Variants in CYP4F22 observed in about 807,000 individuals in gnomAD.
CYP4F22 encodes the protein cytochrome P450 family 4 subfamily F member 22.
In CYP4F22, 37 loss-of-function variants were observed where a neutral mutation model predicts 60.4. That is an observed-to-expected ratio of 0.61 (90% CI 0.47 to 0.81). The LOEUF is 0.81. CYP4F22 is among the 30% of genes least tolerant of loss of function. The pLI is 0.00. For synonymous variants in CYP4F22, 258 were observed against 280.5 expected, an observed-to-expected ratio of 0.92 and a Z score of 0.80; for missense variants, 655 against 715.0, an observed-to-expected ratio of 0.92 and a Z score of 0.96.
In CYP4F22 at chr19:15,529,698, A is replaced by T. The variant is rs1327076376; in HGVS notation, c.223-11A>T. 6.2e-7 allele frequency: 1 copy of T among 1,613,940 alleles called. No individual in the cohort carries two copies. Among genetic ancestry groups the T allele is most frequent in the Non-Finnish European group, 8.5e-7 (1 of 1,179,976 alleles). ...GGTACCTCCTCATTGCTCCTCCCTT[A>T]CCTCTTGCAGTACCTTCCAAATGAG... On this transcript the variant is annotated splice_polypyrimidine_tract_variant and intron_variant, in intron 3 of 13. Coordinates refer to ENST00000269703, the MANE Select transcript of CYP4F22 (RefSeq NM_173483.4).
chr19:15,549,074 G>C, intron 11 of CYP4F22, 64 bp from the exon 12 acceptor site: 1 of 1,579,852 alleles, frequency 6.3e-7, no homozygotes, highest in African/African-American at 1.3e-5. Flanking sequence ...GACCCAAGTT[G>C]GGGGATGTTT....
At chr19:15,537,139 A>G (rs1357231446) in intron 4 of CYP4F22, among the ~76,000 whole-genome samples, 2 of 152,108 alleles carry the variant, frequency 1.3e-5, no homozygotes, top group Non-Finnish European at 2.9e-5. Context: ...TCTCTGCTAA[A>G]AATACAAACA....
chr19:15,513,433 C>T (rs1208835848), intron 1 of CYP4F22, among the ~76,000 whole-genome samples: 9 of 148,798 alleles, frequency 6.0e-5, no homozygotes, highest in Non-Finnish European at 8.9e-5. Context: ...GGCGCGATCT[C>T]GGCTCACTGC....
In CYP4F22 at chr19:15,542,722, G is replaced by GC. The variant is rs1971477952; in HGVS notation, c.940-1243dup. On this transcript the variant is annotated intron_variant, in intron 8 of 13. Coordinates refer to ENST00000269703, the MANE Select transcript of CYP4F22 (RefSeq NM_173483.4). ...CTCCCTCCTCCTGCCACCCTGATAG[G>GC]CCCCCCAAGTGTGTGTTGTTTCCCC... Among the ~76,000 whole-genome samples, 4 of 110,676 alleles carry GC rather than the reference G, an allele frequency of 3.6e-5. No homozygotes were observed. In the South Asian group the frequency reaches 1.6e-3, roughly 43 times the overall value. 72.6% of individuals were successfully genotyped at this position (110,676 alleles called of 152,430 possible).
chr19:15,524,265 G>T, intron 2 of CYP4F22, among the ~76,000 whole-genome samples: 1 of 152,170 alleles, frequency 6.6e-6, no homozygotes, highest in Non-Finnish European at 1.5e-5. Flanking sequence ...CATAGAGACA[G>T]AAAGCAGATT....
intron 1 of CYP4F22, among the ~76,000 whole-genome samples, chr19:15,509,854 C>CCT (rs1555725957): frequency 2.7e-5 from 3 of 110,004 alleles, no homozygotes; most frequent in Non-Finnish European, 3.8e-5. Flanking sequence ...GGACCCATCT[C>CCT]TCCTTCCTTC....
At chr19:15,513,187 T>G (rs1368890844) in intron 1 of CYP4F22, among the ~76,000 whole-genome samples, 1 of 151,704 alleles carries the variant, frequency 6.6e-6, no homozygotes, top group Non-Finnish European at 1.5e-5. Context: ...TTCATTTTTA[T>G]TTTTTTGAGA....
intron 7 of CYP4F22, 78 bp downstream of exon 7, chr19:15,538,071 G>A (rs1971419991): frequency 1.9e-6 from 3 of 1,597,402 alleles, no homozygotes; most frequent in Non-Finnish European, 2.6e-6. Flanking sequence ...GGAACTCCCA[G>A]GCATTAGACA....
intron 4 of CYP4F22, among the ~76,000 whole-genome samples, chr19:15,530,199 G>A (rs1252767228): frequency 1.3e-5 from 2 of 152,160 alleles, no homozygotes; most frequent in Non-Finnish European, 2.9e-5. Context: ...TTCCCATTAT[G>A]GCCAGGACTC....
Position 15,529,736 on chromosome 19 carries a change from G to A in CYP4F22, c.250G>A (p.Asp84Asn). The change falls in exon 4 of 14, where the codon GAT becomes AAT. Residue 84 changes from aspartate (D) to asparagine (N), a missense_variant. Physicochemically the swap from Asp to Asn is conservative, Grantham distance 23. Coordinates refer to ENST00000269703, the MANE Select transcript of CYP4F22 (RefSeq NM_173483.4). The stretch of plus-strand genomic sequence containing the variant: ...CCTTCCAAATGAGGCGGGCCTTCAA[G>A]ATGAGAAGAAGGTACTGGACAACAT... ...MYLPNEAGLQ[D>N]EKKVLDNMHH... 1 of 1,614,162 alleles carries A rather than the reference G, an allele frequency of 6.2e-7. No homozygotes were observed. The highest frequency in any genetic ancestry group is 1.1e-5 in the South Asian group (1 of 91,082).
chr19:15,550,606 A>T, intron 12 of CYP4F22, 68 bp from the exon 13 acceptor site: 1 of 1,525,374 alleles, frequency 6.6e-7, no homozygotes, highest in Non-Finnish European at 9.1e-7. Flanking sequence ...CCAGAGGCTC[A>T]GGGAAGGGGG....
At position 15,509,605 on chromosome 19, in the gene CYP4F22, G is replaced by A. The variant is rs1296633004; in HGVS notation, c.-109+1022G>A. 4.6e-5 allele frequency among the ~76,000 whole-genome samples: 7 copies of A among 152,238 alleles called. No individual in the cohort carries two copies. The East Asian group carries it at 1.4e-3, about 29-fold the overall frequency. On this transcript the variant is annotated intron_variant, in intron 1 of 13. Coordinates refer to ENST00000269703, the MANE Select transcript of CYP4F22 (RefSeq NM_173483.4). ...CATTTTACAGGCACGGAAACTGAGG[G>A]CCAGAGAGAAGAAGCCTGTGCCTGT... is the stretch of plus-strand genomic sequence containing the variant.
Position 15,548,245 on chromosome 19 carries a change from C to G in CYP4F22, c.1270+4C>G, listed in dbSNP as rs752282461. 7 of 1,613,918 alleles carry G rather than the reference C, an allele frequency of 4.3e-6. No homozygotes were observed. Among genetic ancestry groups the G allele is most frequent in the Middle Eastern group, 1.6e-4 (1 of 6,082 alleles). The stretch of plus-strand genomic sequence containing the variant: ...GATGGGCGCATCATCCCCAAAGGTG[C>G]CTACCATGTTCCGCCTGCTGCTGGT... On this transcript the variant is annotated splice_donor_region_variant and intron_variant, in intron 11 of 13. Coordinates refer to ENST00000269703, the MANE Select transcript of CYP4F22 (RefSeq NM_173483.4).
intron 1 of CYP4F22, among the ~76,000 whole-genome samples, chr19:15,510,966 A>ATTTTTTTTTTTTTT (rs1555726127): frequency 9.7e-6 from 1 of 103,336 alleles, no homozygotes; most frequent in African/African-American, 4.6e-5. Context: ...ATATATATAT[A>ATTTTTTTTTTTTTT]TTTTTTTTTT....
rs959850665 is a variant in CYP4F22 at position 15,526,877 on chromosome 19, T to C, written c.222+1319T>C. On this transcript the variant is annotated intron_variant, in intron 3 of 13. Coordinates refer to ENST00000269703, the MANE Select transcript of CYP4F22 (RefSeq NM_173483.4). The stretch of plus-strand genomic sequence containing the variant: ...CTCCTGCCTCAGCCTCCCAAGTAGC[T>C]GCGACTGCAAGCCTGCAAGTGCATG... Among the ~76,000 whole-genome samples, 3 of 151,924 alleles carry C rather than the reference T, an allele frequency of 2.0e-5. No homozygotes were observed. The East Asian group carries it at 5.8e-4, about 29-fold the overall frequency.
At chr19:15,521,389 A>G (rs1020534909) in intron 1 of CYP4F22, among the ~76,000 whole-genome samples, 4 of 151,452 alleles carry the variant, frequency 2.6e-5, no homozygotes, top group Non-Finnish European at 5.9e-5. Flanking sequence ...CTGCCACCAC[A>G]CCTGGCTAAT....
intron 6 of CYP4F22, 84 bp downstream of exon 6, chr19:15,537,746 G>A: frequency 6.2e-7 from 1 of 1,607,034 alleles, no homozygotes; most frequent in Non-Finnish European, 8.5e-7. Context: ...CAAGCCATGT[G>A]ATGTCAGGAG....
At chr19:15,535,404 G>C (rs1181881633) in intron 4 of CYP4F22, among the ~76,000 whole-genome samples, 1 of 152,200 alleles carries the variant, frequency 6.6e-6, no homozygotes, top group Non-Finnish European at 1.5e-5. Flanking sequence ...TGATTGTGTA[G>C]GCAATTGGCC....
intron 8 of CYP4F22, among the ~76,000 whole-genome samples, chr19:15,542,542 A>AT (rs1399761538): frequency 3.3e-5 from 5 of 151,800 alleles, no homozygotes; most frequent in African/African-American, 7.3e-5. Context: ...ATCTCAAAAA[A>AT]TTTTTTTTTA....
Sources: gnomAD v4.1 joint callset for allele counts (sites outside exome capture counted in the v4.1 genomes callset) on GRCh38, gnomAD v4.1.1 for gene constraint, MANE v1.5 for transcripts, NCBI Gene and HGNC (gene_info 2026-07-23, HGNC 2026-07-21) for gene names.